The following GRM5 variants were observed in gnomAD, a reference collection of about 807,000 sequenced individuals.
GRM5 encodes the protein glutamate metabotropic receptor 5.
Under a neutral mutation model 83.1 loss-of-function variants are expected in GRM5, and 19 were observed. The ratio of observed to expected loss-of-function variants is 0.23; its 90% CI spans 0.16 to 0.34. The LOEUF is 0.34. GRM5 is among the 10% of genes least tolerant of loss of function. GRM5 has a pLI of 1.00. For synonymous variants in GRM5, 675 were observed against 633.6 expected (o/e 1.07, Z -0.98); for missense variants, 1,160 against 1,588.3 (o/e 0.73, Z 4.58).
chr11:88,546,080 G>T (rs1236023643), intron 8 of GRM5, among the ~76,000 whole-genome samples: 1 of 151,716 alleles, frequency 6.6e-6, no homozygotes, highest in Non-Finnish European at 1.5e-5. Context: ...GTCTTTGCTT[G>T]GGATACATAC....
intron 2 of GRM5, among the ~76,000 whole-genome samples, chr11:88,977,414 T>G (rs1329066617): frequency 6.6e-6 from 1 of 151,998 alleles, no homozygotes; most frequent in East Asian, 1.9e-4. Flanking sequence ...GGTTTCACAG[T>G]GCTAGCCAGG....
intron 3 of GRM5, among the ~76,000 whole-genome samples, chr11:88,801,180 C>T (rs748876902): frequency 7.9e-5 from 12 of 152,014 alleles, no homozygotes; most frequent in Non-Finnish European, 1.3e-4. Context: ...AAAATTTTCT[C>T]CTAAAATGTA....
chr11:88,943,729 T>C (rs189258599), intron 2 of GRM5, among the ~76,000 whole-genome samples: 1 of 151,746 alleles, frequency 6.6e-6, no homozygotes, highest in East Asian at 1.9e-4. Flanking sequence ...ACATTGAATT[T>C]GCTTTTACCT....
At position 88,648,197 on chromosome 11, in the gene GRM5, T is replaced by A. The variant is rs569164776; in HGVS notation, c.1147+4971A>T. Among the ~76,000 whole-genome samples the A allele has an allele frequency of 4.7e-3, 708 of 151,812 alleles. 4 individuals carry two copies. Among genetic ancestry groups the A allele is most frequent in the African/African-American group, 0.016 (680 of 41,458 alleles). ...TAAATCTTGCTGCTATAAAGACACA[T>A]GCACACGTATGTTTATTGCGGCATT... On this transcript the variant is annotated intron_variant, in intron 4 of 9. Coordinates refer to ENST00000305447, the MANE Select transcript of GRM5 (RefSeq NM_001143831.3).
chr11:89,014,929 G>A (rs867592007), intron 2 of GRM5, among the ~76,000 whole-genome samples: 2 of 152,156 alleles, frequency 1.3e-5, no homozygotes, highest in African/African-American at 4.8e-5. Flanking sequence ...CCCACTGTAC[G>A]TGTTCAAGTG....
intron 1 of GRM5, among the ~76,000 whole-genome samples, chr11:89,055,092 T>A (rs768867993): frequency 6.6e-6 from 1 of 152,222 alleles, no homozygotes; most frequent in Non-Finnish European, 1.5e-5. Context: ...CTTGTCCAAG[T>A]ATACACTGTT....
intron 8 of GRM5, among the ~76,000 whole-genome samples, chr11:88,533,538 C>T (rs113715523): frequency 2.6e-4 from 40 of 152,164 alleles, no homozygotes; most frequent in African/African-American, 8.9e-4. Flanking sequence ...TATTTATTCT[C>T]TGTTTTCCCC....
intron 3 of GRM5, among the ~76,000 whole-genome samples, chr11:88,801,093 A>C (rs2135486339): frequency 6.6e-6 from 1 of 152,270 alleles, no homozygotes; most frequent in South Asian, 2.1e-4. Flanking sequence ...CCAGAGGCAT[A>C]CCATTAAGCC....
chr11:88,951,453 C>A (rs1478077255), intron 2 of GRM5, among the ~76,000 whole-genome samples: 5 of 152,174 alleles, frequency 3.3e-5, no homozygotes, highest in African/African-American at 1.2e-4. Flanking sequence ...TGCCACTGAG[C>A]CTGCTGAACT....
intron 8 of GRM5, among the ~76,000 whole-genome samples, chr11:88,531,275 A>T (rs924963499): frequency 6.6e-6 from 1 of 152,092 alleles, no homozygotes; most frequent in African/African-American, 2.4e-5. Context: ...ATTGGGTTTC[A>T]ATTTAAGAAA....
intron 2 of GRM5, among the ~76,000 whole-genome samples, chr11:88,903,180 G>A (rs1477287533): frequency 3.3e-5 from 5 of 152,000 alleles, no homozygotes; most frequent in African/African-American, 1.2e-4. Flanking sequence ...AGGCTAGAGG[G>A]TTTCTGTCAT....
At chr11:88,581,651 A>C (rs896256604) in intron 7 of GRM5, among the ~76,000 whole-genome samples, 1 of 152,132 alleles carries the variant, frequency 6.6e-6, no homozygotes, top group Non-Finnish European at 1.5e-5. Context: ...GAAACCTAAA[A>C]AGTGCTTAGA....
chr11:89,030,760 CTATG>C (rs1941242237), intron 2 of GRM5, among the ~76,000 whole-genome samples: 3 of 152,094 alleles, frequency 2.0e-5, no homozygotes, highest in Admixed American at 2.0e-4. Context: ...ATTCAAAATT[CTATG>C]ATCTTATGCC....
rs1165610989 is a variant in GRM5 at position 88,947,378 on chromosome 11, C to T, written c.662-97223G>A. Among the ~76,000 whole-genome samples, 5 of 152,128 alleles carry T rather than the reference C, an allele frequency of 3.3e-5. No homozygotes were observed. In the East Asian group the frequency reaches 7.7e-4, roughly 23 times the overall value. On this transcript the variant is annotated intron_variant, in intron 2 of 9. Coordinates refer to ENST00000305447, the MANE Select transcript of GRM5 (RefSeq NM_001143831.3). ...AAGCATATTTACTTGCCTGCCAATG[C>T]CTTCCACATAGGGATAAATGCAAAA...
At chr11:88,957,431 C>G (rs1938655093) in intron 2 of GRM5, among the ~76,000 whole-genome samples, 1 of 152,100 alleles carries the variant, frequency 6.6e-6, no homozygotes, top group South Asian at 2.1e-4. Context: ...AGTGAGAAAA[C>G]AAGCTGTAAG....
intron 2 of GRM5, among the ~76,000 whole-genome samples, chr11:88,965,918 C>A (rs1190363921): frequency 6.6e-6 from 1 of 152,020 alleles, no homozygotes; most frequent in African/African-American, 2.4e-5. Context: ...ACATTTTATG[C>A]AATAGTTTAC....
intron 7 of GRM5, among the ~76,000 whole-genome samples, chr11:88,584,420 T>G (rs1283957858): frequency 2.0e-5 from 3 of 152,082 alleles, no homozygotes; most frequent in African/African-American, 7.2e-5. Flanking sequence ...GATTGCATTT[T>G]CTTTCTTTTC....
chr11:88,622,911 TAA>T (rs1938679699), intron 4 of GRM5, among the ~76,000 whole-genome samples: 1 of 152,188 alleles, frequency 6.6e-6, no homozygotes, highest in African/African-American at 2.4e-5. Flanking sequence ...TTACTCTGTC[TAA>T]ACATTATTGG....
Position 88,505,613 on chromosome 11 carries a change from A to G in GRM5, c.*2979T>C, listed in dbSNP as rs1396807419. 6.6e-6 allele frequency: 1 copy of G among 152,122 alleles called. No homozygotes were observed. Among genetic ancestry groups the G allele is most frequent in the Non-Finnish European group, 1.5e-5 (1 of 68,024 alleles). The allele number at this position is 152,122 out of a possible 1,614,324, so 9.4% of individuals were successfully genotyped here. Reference sequence around the variant, plus strand: ...AGAAAGACGGTTCTTCCCAATCCAGATATGTTCTTCTTAGGCTGCCCCCAC... The same window carrying G: ...AGAAAGACGGTTCTTCCCAATCCAGGTATGTTCTTCTTAGGCTGCCCCCAC... On this transcript the variant is annotated 3_prime_UTR_variant, in exon 10 of 10. Coordinates refer to ENST00000305447, the MANE Select transcript of GRM5 (RefSeq NM_001143831.3).
Sources: allele counts gnomAD v4.1 joint callset (sites outside exome capture counted in the v4.1 genomes callset), GRCh38; gene constraint gnomAD v4.1.1; transcripts MANE v1.5; gene names NCBI Gene and HGNC (gene_info 2026-07-23, HGNC 2026-07-21).